The following ALPL variants were observed in gnomAD, a reference collection of about 807,000 sequenced individuals.
ALPL encodes alkaline phosphatase, tissue-nonspecific isozyme.
ALPL carries 42 observed loss-of-function variants against 51.3 expected under a neutral mutation model. The ratio of observed to expected loss-of-function variants is 0.82; its 90% confidence interval spans 0.64 to 1.06. The LOEUF is 1.06. Ranked by LOEUF, ALPL falls within the 50% of genes least tolerant of loss-of-function variation. ALPL has a pLI of 0.00. For synonymous variants in ALPL, 279 were observed against 296.4 expected, an observed-to-expected ratio of 0.94 and a Z score of 0.60; for missense variants, 589 against 709.4, an observed-to-expected ratio of 0.83 and a Z score of 1.93.
chr1:21,554,865 CTTTCTTTCTCTCTT>C (rs1236791712), intron 2 of ALPL, among the ~76,000 whole-genome samples: 2 of 133,974 alleles, frequency 1.5e-5, no homozygotes, highest in African/African-American at 5.4e-5. Flanking sequence ...TTCTTTCTTT[CTTTCTTTCTCTCTT>C]TCTTTCTTTT....
rs550294329 is a variant in ALPL at position 21,510,002 on chromosome 1, C to T, written c.-105+485C>T. ...CCACCTGACCCGGTGGGGTCTAAAG[C>T]AGTTTGGTTTGGGAGGAGGAGAGGG... On this transcript the variant is annotated intron_variant, in intron 1 of 11. Transcript: ENST00000374840. Among the ~76,000 whole-genome samples the T allele has an allele frequency of 3.3e-5, 5 of 152,230 alleles. No homozygotes were observed. In the East Asian group the frequency reaches 7.8e-4, roughly 24 times the overall value.
At chr1:21,560,982 AGTGCCAACTGCCCGAGCCTGCCTTG>A (rs1316840701) in intron 3 of ALPL, 90 bp from the exon 4 acceptor site, 57 of 1,059,912 alleles carry the variant, frequency 5.4e-5, no homozygotes, top group Non-Finnish European at 5.7e-5. Context: ...AGCCATGCCC[AGTGCCAACTGCCCGAGCCTGCCTTG>A]GTACCGAACT....
At position 21,573,760 on chromosome 1, in the gene ALPL, C is replaced by G. The variant is rs755795919; in HGVS notation, c.958C>G (p.Leu320Val). The change falls in exon 9 of 12, where the codon CTG (leucine) becomes GTG (valine). Residue 320 changes from leucine (L) to valine (V), a missense_variant. Transcript: ENST00000374840. ...SEMVVVAIQI[L>V]RKNPKGFFLL... is the part of the protein sequence containing the mutation. The stretch of plus-strand genomic sequence containing the variant: ...GATGGTGGTGGTGGCCATCCAGATC[C>G]TGCGGAAGAACCCCAAAGGCTTCTT... 1 of 1,614,174 alleles carries G rather than the reference C, an allele frequency of 6.2e-7. No individual in the cohort carries two copies. The highest frequency in any genetic ancestry group is 1.1e-5 in the South Asian group (1 of 91,082).
Position 21,552,834 on chromosome 1 carries a change from A to T in ALPL, c.-104-1144A>T, listed in dbSNP as rs149196452. ...CTTTTCTAACGGTAGAGTGTGTATT[A>T]CTGCTGTTTCCCACAACAAATGGTG... On this transcript the variant is annotated intron_variant, in intron 1 of 11. Coordinates refer to ENST00000374840, the MANE Select transcript of ALPL (RefSeq NM_000478.6). 1.7e-3 allele frequency among the ~76,000 whole-genome samples: 252 copies of T among 152,316 alleles called. 1 individual carries two copies. Among genetic ancestry groups the T allele is most frequent in the African/African-American group, 5.9e-3 (245 of 41,568 alleles).
chr1:21,554,866 T>C (rs1301639397), intron 2 of ALPL, among the ~76,000 whole-genome samples: 11 of 135,342 alleles, frequency 8.1e-5, no homozygotes, highest in Non-Finnish European at 1.6e-4. Context: ...TCTTTCTTTC[T>C]TTCTTTCTCT....
chr1:21,554,026 A>G lies in ALPL; in HGVS notation c.-56A>G. 1 of 667,090 alleles carries G rather than the reference A, an allele frequency of 1.5e-6. No homozygotes were observed. Among genetic ancestry groups the G allele is most frequent in the Non-Finnish European group, 2.7e-6 (1 of 372,780 alleles). 41.3% of individuals were successfully genotyped at this position (667,090 alleles called of 1,614,324 possible). A position where few individuals can be genotyped will look rare whatever the true frequency, so the allele number is the denominator to read the frequency against. ...GACCACTGCCAGCCCACCCCCTCCC[A>G]CCCACGTCGATTGCATCTCTGGGCT... On this transcript the variant is annotated 5_prime_UTR_variant, in exon 2 of 12. Transcript: ENST00000374840.
At chr1:21,554,419 AT>A (rs1327261680) in intron 2 of ALPL, among the ~76,000 whole-genome samples, 2 of 147,110 alleles carry the variant, frequency 1.4e-5, no homozygotes, top group Non-Finnish European at 3.0e-5. Flanking sequence ...CCACATATAT[AT>A]TTTTCCATAT....
chr1:21,515,393 A>T (rs1643775049), intron 1 of ALPL, among the ~76,000 whole-genome samples: 1 of 152,100 alleles, frequency 6.6e-6, no homozygotes. Flanking sequence ...AAGATCTACC[A>T]GGTGACCCTT....
At chr1:21,524,630 C>T (rs1643918005) in intron 1 of ALPL, among the ~76,000 whole-genome samples, 1 of 152,214 alleles carries the variant, frequency 6.6e-6, no homozygotes, top group Non-Finnish European at 1.5e-5. Flanking sequence ...AGTCCGGTCT[C>T]ACTTAATGAG....
At chr1:21,551,326 T>A (rs1347427087) in intron 1 of ALPL, 1 of 152,256 alleles carries the variant, frequency 6.6e-6, no homozygotes, top group African/African-American at 2.4e-5. Context: ...AGAACTATAT[T>A]ACCTTCAAAA....
At chr1:21,543,051 G>T (rs1301454609) in intron 1 of ALPL, among the ~76,000 whole-genome samples, 1 of 152,078 alleles carries the variant, frequency 6.6e-6, no homozygotes, top group Non-Finnish European at 1.5e-5. Context: ...CTACTTGGGA[G>T]GCTGAGGCAG....
rs568871214 is a variant in ALPL at position 21,540,402 on chromosome 1, C to T, written c.-104-13576C>T. 2.0e-5 allele frequency among the ~76,000 whole-genome samples: 3 copies of T among 152,324 alleles called. No individual in the cohort carries two copies. The South Asian group carries it at 6.2e-4, about 32-fold the overall frequency. On this transcript the variant is annotated intron_variant, in intron 1 of 11. Coordinates refer to ENST00000374840, the MANE Select transcript of ALPL (RefSeq NM_000478.6). ...GGGCATCATGACCGTCCTGGAGCCT[C>T]AGGGACCCCCAGAGAAGCTTTGGCT...
At chr1:21,561,004 C>T in intron 3 of ALPL, 93 bp from the exon 4 acceptor site, 2 of 1,239,682 alleles carry the variant, frequency 1.6e-6, no homozygotes, top group Non-Finnish European at 2.3e-6. Context: ...CCGAGCCTGC[C>T]TTGGTACCGA....
intron 1 of ALPL, among the ~76,000 whole-genome samples, chr1:21,531,473 G>A (rs1288595347): frequency 6.6e-6 from 1 of 152,228 alleles, no homozygotes; most frequent in Non-Finnish European, 1.5e-5. Context: ...TGTGGGCTTA[G>A]TGATAAGCCA....
intron 1 of ALPL, among the ~76,000 whole-genome samples, chr1:21,517,692 G>A (rs142823835): frequency 6.6e-5 from 10 of 152,192 alleles, no homozygotes; most frequent in Admixed American, 1.3e-4. Flanking sequence ...TGTGACCTTC[G>A]CCAAGTCCCT....
At chr1:21,565,737 TC>T (rs1644554469) in intron 6 of ALPL, among the ~76,000 whole-genome samples, 1 of 149,060 alleles carries the variant, frequency 6.7e-6, no homozygotes, top group East Asian at 2.0e-4. Context: ...CACCTGCCTC[TC>T]CGTCACCACC....
intron 1 of ALPL, among the ~76,000 whole-genome samples, chr1:21,515,528 A>G (rs1643778832): frequency 6.6e-6 from 1 of 152,196 alleles, no homozygotes; most frequent in Non-Finnish European, 1.5e-5. Flanking sequence ...AGCTGGGATT[A>G]CAGGCACATG....
At chr1:21,533,447 G>A (rs149261255) in intron 1 of ALPL, among the ~76,000 whole-genome samples, 2 of 152,112 alleles carry the variant, frequency 1.3e-5, no homozygotes, top group East Asian at 1.9e-4. Context: ...AACTTTTAAC[G>A]GATGCTCTCC....
chr1:21,510,191 C>T (rs1448005694), intron 1 of ALPL, among the ~76,000 whole-genome samples: 3 of 152,208 alleles, frequency 2.0e-5, no homozygotes, highest in Admixed American at 1.3e-4. Context: ...GCGAGGTGGG[C>T]CTCCCAGGGC....
Sources: gnomAD v4.1 joint callset for allele counts (sites outside exome capture counted in the v4.1 genomes callset) on GRCh38, gnomAD v4.1.1 for gene constraint, MANE v1.5 for transcripts, NCBI Gene and HGNC (gene_info 2026-07-23, HGNC 2026-07-21) for gene names.